LRP1B: variants seen among roughly 807,000 people sequenced by gnomAD.
The protein encoded by LRP1B is low-density lipoprotein receptor-related protein 1B.
A neutral mutation model predicts 556.6 loss-of-function variants in LRP1B; 217 were observed. The ratio of observed to expected loss-of-function variants is 0.39; its 90% CI spans 0.35 to 0.44. LRP1B has a LOEUF of 0.44. Ranked by LOEUF, LRP1B falls within the 20% of genes least tolerant of loss-of-function variation. The pLI is 1.00. For missense variants in LRP1B, 5,053 were observed against 5,620.8 expected (o/e 0.90, Z 3.23); for synonymous variants, 2,047 against 1,865.8 (o/e 1.10, Z -2.50).
At chr2:141,063,633 G>A (rs186400167) in intron 7 of LRP1B, among the ~76,000 whole-genome samples, 2 of 146,506 alleles carry the variant, frequency 1.4e-5, no homozygotes, top group East Asian at 3.9e-4. Context: ...CTCCCCCTCC[G>A]TCTCTCTCTC....
chr2:140,774,181 G>A (rs1437847534), intron 33 of LRP1B, among the ~76,000 whole-genome samples: 1 of 152,148 alleles, frequency 6.6e-6, no homozygotes, highest in Non-Finnish European at 1.5e-5. Flanking sequence ...TAATGGGATT[G>A]TCTTTAATAC....
chr2:140,576,108 C>A (rs1681515870), intron 43 of LRP1B, among the ~76,000 whole-genome samples: 1 of 152,122 alleles, frequency 6.6e-6, no homozygotes, highest in African/African-American at 2.4e-5. Context: ...ACTTCAGGTG[C>A]TGAAGACGAT....
At chr2:141,112,446 C>G (rs1223303360) in intron 7 of LRP1B, among the ~76,000 whole-genome samples, 1 of 152,106 alleles carries the variant, frequency 6.6e-6, no homozygotes, top group Non-Finnish European at 1.5e-5. Flanking sequence ...GAGGTGCTGT[C>G]TAATGTTCCT....
At chr2:142,107,352 G>A (rs921455092) in intron 1 of LRP1B, among the ~76,000 whole-genome samples, 2 of 152,140 alleles carry the variant, frequency 1.3e-5, no homozygotes, top group African/African-American at 4.8e-5. Flanking sequence ...GTGAGAATGA[G>A]TTAGTTATCA....
Position 141,365,655 on chromosome 2 carries a change from C to CTTTTTTTTTTTTTTTG in LRP1B, c.344-111030_344-111015dup, listed in dbSNP as rs1334896367. ...TTTTTGTTTTGGTTTGTTTTTGTTG[C>CTTTTTTTTTTTTTTTG]TTTTTTTTTTTTTTTGAGACAGAGT... On this transcript the variant is annotated intron_variant, in intron 3 of 90. Transcript: ENST00000389484. 4.1e-5 allele frequency among the ~76,000 whole-genome samples: 5 copies of CTTTTTTTTTTTTTTTG among 121,136 alleles called. 2 individuals carry two copies. Among genetic ancestry groups the CTTTTTTTTTTTTTTTG allele is most frequent in the Non-Finnish European group, 8.3e-5 (5 of 60,046 alleles). The allele number at this position is 121,136 out of a possible 152,430, so 79.5% of individuals were successfully genotyped here. A position where few individuals can be genotyped will look rare whatever the true frequency, so the allele number is the denominator to read the frequency against.
At chr2:141,278,993 C>T (rs942680266) in intron 3 of LRP1B, among the ~76,000 whole-genome samples, 3 of 152,038 alleles carry the variant, frequency 2.0e-5, no homozygotes, top group African/African-American at 7.2e-5. Flanking sequence ...TACCTATTTA[C>T]CTATGCAAAA....
At chr2:140,268,987 C>G (rs561130897) in intron 86 of LRP1B, among the ~76,000 whole-genome samples, 1 of 152,064 alleles carries the variant, frequency 6.6e-6, no homozygotes, top group Non-Finnish European at 1.5e-5. Flanking sequence ...TGCTTCTGTA[C>G]TTCTCTAATT....
At chr2:140,818,186 A>C (rs1174456155) in intron 31 of LRP1B, among the ~76,000 whole-genome samples, 1 of 152,208 alleles carries the variant, frequency 6.6e-6, no homozygotes, top group African/African-American at 2.4e-5. Flanking sequence ...AGAGATGTAG[A>C]TATGGGAAAT....
At chr2:140,705,646 T>C (rs1326051063) in intron 37 of LRP1B, among the ~76,000 whole-genome samples, 4 of 151,488 alleles carry the variant, frequency 2.6e-5, no homozygotes. Context: ...TAACCCCTAT[T>C]CATTTTAAAT....
intron 3 of LRP1B, among the ~76,000 whole-genome samples, chr2:141,315,353 G>A (rs987980592): frequency 1.5e-5 from 2 of 136,578 alleles, no homozygotes; most frequent in South Asian, 2.3e-4. Context: ...TCTGCCTCTC[G>A]GGTTCATCCC....
At chr2:141,221,885 C>A (rs2105277782) in intron 6 of LRP1B, among the ~76,000 whole-genome samples, 1 of 152,200 alleles carries the variant, frequency 6.6e-6, no homozygotes, top group East Asian at 1.9e-4. Flanking sequence ...CCAATGAGAA[C>A]AAAGAGACAA....
Position 141,949,374 on chromosome 2 carries a change from C to G in LRP1B, c.83-138973G>C, listed in dbSNP as rs1191010528. 2.0e-5 allele frequency among the ~76,000 whole-genome samples: 3 copies of G among 152,120 alleles called. No homozygotes were observed. The East Asian group carries it at 5.8e-4, about 29-fold the overall frequency. On this transcript the variant is annotated intron_variant, in intron 1 of 90. Transcript: ENST00000389484. ...GTGTAGGCATGGATTTAAAATTACT[C>G]CACTTGACCAAATAAAAATTATCCA...
intron 50 of LRP1B, among the ~76,000 whole-genome samples, chr2:140,516,018 C>A (rs1426435187): frequency 6.6e-6 from 1 of 151,756 alleles, no homozygotes; most frequent in Non-Finnish European, 1.5e-5. Flanking sequence ...ATTTTAGAAA[C>A]AAAACGTAAA....
At chr2:140,869,860 G>C (rs944804075) in intron 25 of LRP1B, among the ~76,000 whole-genome samples, 7 of 152,102 alleles carry the variant, frequency 4.6e-5, no homozygotes, top group African/African-American at 1.4e-4. Context: ...GATGGGTGTA[G>C]ACAATGTTGG....
At chr2:141,053,183 C>T (rs954204883) in intron 10 of LRP1B, among the ~76,000 whole-genome samples, 1 of 151,968 alleles carries the variant, frequency 6.6e-6, no homozygotes, top group African/African-American at 2.4e-5. Flanking sequence ...CACAGACACT[C>T]ATATAGCCAA....
chr2:140,763,093 C>T (rs989179614), intron 35 of LRP1B, among the ~76,000 whole-genome samples: 2 of 152,078 alleles, frequency 1.3e-5, no homozygotes, highest in African/African-American at 4.8e-5. Flanking sequence ...TTTGACCTAT[C>T]TATAAAAAAT....
chr2:140,526,095 A>T, intron 48 of LRP1B, 102 bp from the exon 49 acceptor site: 6 of 1,378,404 alleles, frequency 4.4e-6, no homozygotes, highest in Non-Finnish European at 6.1e-6. Flanking sequence ...TCATTTGAGG[A>T]AATAGATACG....
At chr2:141,628,759 C>T (rs914402312) in intron 2 of LRP1B, among the ~76,000 whole-genome samples, 1 of 151,930 alleles carries the variant, frequency 6.6e-6, no homozygotes, top group Non-Finnish European at 1.5e-5. Context: ...GCAATCCTCC[C>T]ACCAAAGCCT....
At position 140,849,007 on chromosome 2, in the gene LRP1B, T is replaced by C. The variant is rs534343046; in HGVS notation, c.4939+1095A>G. On this transcript the variant is annotated intron_variant, in intron 29 of 90. Transcript: ENST00000389484. The stretch of plus-strand genomic sequence containing the variant: ...AAATAGGAACAGTTTTCCTGTTTTA[T>C]ATGTTAGTCTAGGTCTGTAAAAATA... 2.2e-4 allele frequency among the ~76,000 whole-genome samples: 34 copies of C among 152,086 alleles called. 1 individual carries two copies. In the East Asian group the frequency reaches 6.2e-3, roughly 28 times the overall value.
Sources: allele counts gnomAD v4.1 joint callset (sites outside exome capture counted in the v4.1 genomes callset), GRCh38; gene constraint gnomAD v4.1.1; transcripts MANE v1.5; gene names NCBI Gene and HGNC (gene_info 2026-07-23, HGNC 2026-07-21).